Variants in GNE observed in about 807,000 individuals in gnomAD.
GNE encodes the protein glucosamine (UDP-N-acetyl)-2-epimerase/N-acetylmannosamine kinase, also known as bifunctional UDP-N-acetylglucosamine 2-epimerase/N-acetylmannosamine kinase.
In GNE, 41 loss-of-function variants were observed where a neutral mutation model predicts 61.8. That is an observed-to-expected ratio of 0.66 (90% CI 0.52 to 0.86). GNE has a LOEUF of 0.86. Ranked by LOEUF, GNE falls within the 40% of genes least tolerant of loss-of-function variation. The pLI is 0.00. For missense variants in GNE, 608 were observed against 909.1 expected (o/e 0.67, Z 4.26); for synonymous variants, 264 against 326.4 (o/e 0.81, Z 2.06).
At chr9:36,226,017 A>G (rs964917946) in intron 7 of GNE, among the ~76,000 whole-genome samples, 1 of 152,114 alleles carries the variant, frequency 6.6e-6, no homozygotes, top group African/African-American at 2.4e-5. Flanking sequence ...TTATTCCCTC[A>G]TAACTTCCAA....
At chr9:36,230,627 T>TA (rs1337251810) in intron 5 of GNE, among the ~76,000 whole-genome samples, 2 of 151,976 alleles carry the variant, frequency 1.3e-5, no homozygotes, top group African/African-American at 4.8e-5. Flanking sequence ...CACCTAATTT[T>TA]AAAATTTTTT....
In GNE at chr9:36,234,134, TATGAAA is replaced by T; in HGVS notation, c.770-8_770-3del. Reference sequence around the variant, plus strand: ...TCACTCGAACCATCTCTTTGCTCCCTATGAAAATGAAAAGAACCAATTGGTAAATGG... The same window carrying T: ...TCACTCGAACCATCTCTTTGCTCCCTATGAAAAGAACCAATTGGTAAATGG... On this transcript the variant is annotated splice_polypyrimidine_tract_variant and splice_region_variant and intron_variant, in intron 4 of 11. Transcript: ENST00000642385. 6.2e-7 allele frequency: 1 copy of T among 1,611,268 alleles called. No homozygotes were observed. The highest frequency in any genetic ancestry group is 1.1e-5 in the South Asian group (1 of 91,022).
At chr9:36,224,697 C>A (rs1828775263) in intron 7 of GNE, among the ~76,000 whole-genome samples, 1 of 151,814 alleles carries the variant, frequency 6.6e-6, no homozygotes, top group African/African-American at 2.4e-5. Flanking sequence ...AGAGGAAATC[C>A]CATCTCTATA....
At chr9:36,258,008 C>T (rs1830458587) in intron 1 of GNE, among the ~76,000 whole-genome samples, 1 of 151,974 alleles carries the variant, frequency 6.6e-6, no homozygotes, top group African/African-American at 2.4e-5. Flanking sequence ...CCTAACGGGA[C>T]AGTCAGCATC....
At chr9:36,249,454 C>A in intron 1 of GNE, 57 bp from the exon 2 acceptor site, 112 of 1,019,852 alleles carry the variant, frequency 1.1e-4, no homozygotes, top group Middle Eastern at 2.1e-4. Flanking sequence ...TATAACTAAA[C>A]TTTAAACTTC....
At chr9:36,252,765 A>C (rs1257033463) in intron 1 of GNE, among the ~76,000 whole-genome samples, 2 of 152,196 alleles carry the variant, frequency 1.3e-5, no homozygotes, top group East Asian at 1.9e-4. Flanking sequence ...AAGTCACAAG[A>C]GGTTAAGTAG....
chr9:36,261,904 C>G (rs1830630006), upstream of GNE, among the ~76,000 whole-genome samples: 2 of 134,752 alleles, frequency 1.5e-5, no homozygotes, highest in East Asian at 4.1e-4. Flanking sequence ...GCCTGGGCAA[C>G]AGAGCGAGAC....
rs141814943 is a variant in GNE at position 36,234,098 on chromosome 9, C to T, written c.804G>A (p.Lys268=). 471 of 1,613,788 alleles carry T rather than the reference C, an allele frequency of 2.9e-4. 1 individual carries two copies. Among genetic ancestry groups the T allele is most frequent in the Non-Finnish European group, 3.8e-4 (445 of 1,179,824 alleles). The part of the protein sequence containing the change: ...SKEMVRVMRK[K]GIEHHPNFRA... ...GAAAGTTGGGATGATGCTCAATGCC[C>T]TTCTTCCGCATCACTCGAACCATCT... Residue 268 remains lysine (K), a synonymous_variant, in exon 5 of 12, where the codon AAG becomes AAA. Coordinates refer to ENST00000642385, the MANE Select transcript of GNE (RefSeq NM_005476.7).
intron 3 of GNE, among the ~76,000 whole-genome samples, chr9:36,237,638 C>T (rs1344954452): frequency 1.5e-5 from 2 of 130,216 alleles, no homozygotes; most frequent in African/African-American, 5.3e-5. Flanking sequence ...AAAGTGAGCT[C>T]CACTTACTTT....
At position 36,222,843 on chromosome 9, in the gene GNE, G is replaced by A; in HGVS notation, c.1567C>T (p.Leu523=). ...WVDNDGNCAA[L]AERKFGQGKG... ...CCTTGGCCAAATTTCCTTTCCGCCA[G>A]GGCAGCACAGTTGCCATCATTGTCT... Residue 523 remains leucine, a synonymous_variant, in exon 9 of 12, where the codon CTG becomes TTG. Transcript: ENST00000642385. 1.9e-6 allele frequency: 3 copies of A among 1,614,196 alleles called. No individual in the cohort carries two copies. The highest frequency in any genetic ancestry group is 2.5e-6 in the Non-Finnish European group (3 of 1,180,038).
intron 5 of GNE, among the ~76,000 whole-genome samples, chr9:36,231,105 AAGAG>A (rs1314830230): frequency 3.3e-5 from 4 of 121,442 alleles, no homozygotes; most frequent in Non-Finnish European, 6.9e-5. Flanking sequence ...GAGAGAGAGA[AAGAG>A]AAAGAAAGAA....
intron 7 of GNE, among the ~76,000 whole-genome samples, chr9:36,225,592 G>A (rs149020820): frequency 7.8e-4 from 119 of 152,126 alleles, no homozygotes; most frequent in African/African-American, 2.8e-3. Context: ...CCGAGATCAC[G>A]CCACTGCACT....
chr9:36,263,798 C>G (rs1830682893), intron 1 of GNE, among the ~76,000 whole-genome samples: 1 of 152,120 alleles, frequency 6.6e-6, no homozygotes, highest in South Asian at 2.1e-4. Flanking sequence ...TCACCTGTGC[C>G]CATAGGCTGC....
rs1828521398 is a variant in GNE at position 36,220,040 on chromosome 9, T to A, written c.1634-20A>T. 2 of 1,600,568 alleles carry A rather than the reference T, an allele frequency of 1.2e-6. No homozygotes were observed. Among genetic ancestry groups the A allele is most frequent in the Non-Finnish European group, 1.7e-6 (2 of 1,168,350 alleles). On this transcript the variant is annotated intron_variant, in intron 9 of 11. Coordinates refer to ENST00000642385, the MANE Select transcript of GNE (RefSeq NM_005476.7). The stretch of plus-strand genomic sequence containing the variant: ...CGATTCCTACAGCGAGGGATAGAAA[T>A]CACTGAGGGTGCTTTACCTGAAACA...
At chr9:36,237,024 A>G in intron 3 of GNE, 40 bp from the exon 4 acceptor site, 3 of 1,533,660 alleles carry the variant, frequency 2.0e-6, no homozygotes, top group Non-Finnish European at 2.7e-6. Context: ...TCATTAGTTA[A>G]GAATCTTAAA....
At chr9:36,261,552 C>CA (rs566779282), upstream of GNE, among the ~76,000 whole-genome samples, 26,075 of 88,090 alleles carry the variant, frequency 0.3, 3,055 homozygotes, top group African/African-American at 0.38. Flanking sequence ...GACTCCGTCT[C>CA]AAAAAAAAAA....
At chr9:36,258,123 C>A (rs1209744247) in intron 1 of GNE, among the ~76,000 whole-genome samples, 198 bp downstream of exon 1, 2 of 152,324 alleles carry the variant, frequency 1.3e-5, no homozygotes, top group East Asian at 3.9e-4. Context: ...ACGGCGGAGC[C>A]CTGAATTGGG....
Position 36,222,793 on chromosome 9 carries a change from T to C in GNE, c.1617A>G (p.Thr539=), listed in dbSNP as rs1190543130. 6.2e-7 allele frequency: 1 copy of C among 1,612,952 alleles called. No homozygotes were observed. The highest frequency in any genetic ancestry group is 1.1e-5 in the South Asian group (1 of 91,066). The change falls in exon 9 of 12, where the codon ACA becomes ACG. Residue 539 remains threonine, a synonymous_variant. Coordinates refer to ENST00000642385, the MANE Select transcript of GNE (RefSeq NM_005476.7). ...CCCTCTTACCTGTGCCTGTGATAAG[T>C]GTAACAAAGTTTTCCAGTCCCTTTC... The part of the protein sequence containing the change: ...GQGKGLENFV[T]LITGTGIGGG...
intron 5 of GNE, among the ~76,000 whole-genome samples, chr9:36,231,624 A>T (rs976816348): frequency 2.0e-5 from 3 of 152,230 alleles, no homozygotes; most frequent in African/African-American, 7.2e-5. Flanking sequence ...TAAAACAGAG[A>T]CTTGCAAGCA....
Sources: gnomAD v4.1 joint callset for allele counts (sites outside exome capture counted in the v4.1 genomes callset) on GRCh38, gnomAD v4.1.1 for gene constraint, MANE v1.5 for transcripts, NCBI Gene and HGNC (gene_info 2026-07-23, HGNC 2026-07-21) for gene names.